The following DOK6 variants were observed in gnomAD, a reference collection of about 807,000 sequenced individuals.
DOK6 encodes downstream of tyrosine kinase 6.
A neutral mutation model predicts 44.0 loss-of-function variants in DOK6; 22 were observed. The observed-to-expected ratio is 0.50, with a 90% CI of 0.36 to 0.71. The LOEUF (loss-of-function observed/expected upper bound fraction) is 0.71, where lower values mean the gene tolerates loss of function less well. DOK6 is among the 30% of genes least tolerant of loss of function. The pLI, the probability that DOK6 is intolerant of heterozygous loss-of-function variation, is 0.00. For missense variants in DOK6, 340 were observed against 416.4 expected, an observed-to-expected ratio of 0.82 and a Z score of 1.60; for synonymous variants, 166 against 145.5, an observed-to-expected ratio of 1.14 and a Z score of -1.01.
rs1800791780 is a variant in DOK6 at position 69,842,554 on chromosome 18, A to G, written c.*1171A>G. 1 of 152,232 alleles carries G rather than the reference A, an allele frequency of 6.6e-6. No individual in the cohort carries two copies. The highest frequency in any genetic ancestry group is 2.4e-5 in the African/African-American group (1 of 41,460). The allele number at this position is 152,232 out of a possible 1,614,324, so 9.4% of individuals were successfully genotyped here. On this transcript the variant is annotated 3_prime_UTR_variant, in exon 8 of 8. Transcript: ENST00000382713. ...CTCACACAACCACTGGGGGCTTGTA[A>G]TTTACTGTGTAACCAGAACTTGCAG...
chr18:69,500,868 TCTAA>T (rs1468284426), intron 1 of DOK6, among the ~76,000 whole-genome samples: 1 of 152,164 alleles, frequency 6.6e-6, no homozygotes, highest in Non-Finnish European at 1.5e-5. Flanking sequence ...TGTTTATAAA[TCTAA>T]CTGTCACCAT....
At position 69,545,748 on chromosome 18, in the gene DOK6, T is replaced by A. The variant is rs1345136203; in HGVS notation, c.67-18739T>A. Reference sequence around the variant, plus strand: ...AGATATACATATTGCTCTTTAAGCATTTTTTTCTAGTATTTCAGTATACTG... The same window carrying A: ...AGATATACATATTGCTCTTTAAGCAATTTTTTCTAGTATTTCAGTATACTG... On this transcript the variant is annotated intron_variant, in intron 1 of 7. Transcript: ENST00000382713. 2.0e-5 allele frequency among the ~76,000 whole-genome samples: 3 copies of A among 151,302 alleles called. No individual in the cohort carries two copies. The East Asian group carries it at 5.8e-4, about 29-fold the overall frequency.
At chr18:69,507,428 T>C (rs1423076597) in intron 1 of DOK6, among the ~76,000 whole-genome samples, 1 of 152,208 alleles carries the variant, frequency 6.6e-6, no homozygotes, top group Non-Finnish European at 1.5e-5. Context: ...CCTTGTCTTC[T>C]CATATATTTC....
At chr18:69,527,418 G>T (rs1267494376) in intron 1 of DOK6, among the ~76,000 whole-genome samples, 2 of 152,176 alleles carry the variant, frequency 1.3e-5, no homozygotes, top group Non-Finnish European at 2.9e-5. Flanking sequence ...GGAGAGGGAA[G>T]TGCCAAGCAA....
At chr18:69,587,274 G>A (rs1983525212) in intron 2 of DOK6, among the ~76,000 whole-genome samples, 1 of 152,046 alleles carries the variant, frequency 6.6e-6, no homozygotes, top group Non-Finnish European at 1.5e-5. Context: ...AGCTTCCAAG[G>A]GGGTCTCCTT....
intron 1 of DOK6, among the ~76,000 whole-genome samples, chr18:69,442,184 T>A (rs1979155463): frequency 6.6e-6 from 1 of 152,178 alleles, no homozygotes; most frequent in South Asian, 2.1e-4. Context: ...ATTTGTTCAT[T>A]TTATGAATAT....
chr18:69,592,712 A>G (rs1458142580), intron 2 of DOK6, among the ~76,000 whole-genome samples: 1 of 152,162 alleles, frequency 6.6e-6, no homozygotes, highest in African/African-American at 2.4e-5. Flanking sequence ...TAATGCTTTT[A>G]TTAAACTTTA....
intron 4 of DOK6, among the ~76,000 whole-genome samples, chr18:69,696,887 C>T (rs1257346237): frequency 6.6e-6 from 1 of 152,322 alleles, no homozygotes; most frequent in East Asian, 1.9e-4. Flanking sequence ...GGGCTTTTCA[C>T]TGCAGATAAT....
chr18:69,587,246 G>A (rs923056055), intron 2 of DOK6, among the ~76,000 whole-genome samples: 7 of 151,990 alleles, frequency 4.6e-5, no homozygotes, highest in African/African-American at 7.3e-5. Flanking sequence ...AGGTGTCTGC[G>A]GGGCCACACT....
intron 1 of DOK6, among the ~76,000 whole-genome samples, chr18:69,412,772 G>A (rs1978311817): frequency 6.6e-6 from 1 of 152,132 alleles, no homozygotes; most frequent in African/African-American, 2.4e-5. Context: ...AATGGTGAAG[G>A]TAGCAAATAA....
intron 7 of DOK6, among the ~76,000 whole-genome samples, chr18:69,838,731 C>G (rs1982120497): frequency 6.6e-6 from 1 of 151,880 alleles, no homozygotes. Context: ...GATCCTACTT[C>G]TAACCTCTAA....
chr18:69,425,848 G>A (rs1418154943), intron 1 of DOK6, among the ~76,000 whole-genome samples: 2 of 151,926 alleles, frequency 1.3e-5, no homozygotes, highest in African/African-American at 4.8e-5. Flanking sequence ...AAATATTAAG[G>A]AGTGGGCAAA....
chr18:69,608,723 G>A (rs534350164), intron 3 of DOK6, among the ~76,000 whole-genome samples: 8 of 151,818 alleles, frequency 5.3e-5, no homozygotes, highest in East Asian at 1.9e-4. Context: ...AGGCCGAGGC[G>A]GGTGGATCAT....
chr18:69,471,134 A>G (rs889192047), intron 1 of DOK6, among the ~76,000 whole-genome samples: 3 of 147,446 alleles, frequency 2.0e-5, no homozygotes, highest in Non-Finnish European at 4.6e-5. Flanking sequence ...CTGTAATCCC[A>G]GCTACTCGGG....
intron 7 of DOK6, among the ~76,000 whole-genome samples, chr18:69,779,632 T>C (rs1267052593): frequency 6.6e-6 from 1 of 151,984 alleles, no homozygotes; most frequent in Non-Finnish European, 1.5e-5. Flanking sequence ...AAATAAAAAA[T>C]ATTATGAGTG....
At chr18:69,647,072 C>CTAT (rs770382130) in intron 3 of DOK6, among the ~76,000 whole-genome samples, 4,187 of 120,262 alleles carry the variant, frequency 0.035, 134 homozygotes, top group East Asian at 0.17. Context: ...TCTGTCTATC[C>CTAT]CATCTGTCTA....
Position 69,841,610 on chromosome 18 carries a change from G to T in DOK6, c.*227G>T, listed in dbSNP as rs1176032274. 5 of 543,738 alleles carry T rather than the reference G, an allele frequency of 9.2e-6. No homozygotes were observed. Among genetic ancestry groups the T allele is most frequent in the Non-Finnish European group, 3.1e-6 (1 of 325,316 alleles). 33.7% of individuals were successfully genotyped at this position (543,738 alleles called of 1,614,324 possible). ...GGGGAATCTATGTTTTACATAAATA[G>T]AATCCAAATCGTATGAACAGTTATT... is the stretch of plus-strand genomic sequence containing the variant. On this transcript the variant is annotated 3_prime_UTR_variant, in exon 8 of 8. Transcript: ENST00000382713.
chr18:69,472,816 A>G (rs980128424), intron 1 of DOK6, among the ~76,000 whole-genome samples: 1 of 146,784 alleles, frequency 6.8e-6, no homozygotes, highest in Non-Finnish European at 1.5e-5. Context: ...CCTCAGTCAC[A>G]AACTCTGGTC....
At chr18:69,420,574 G>A (rs1359451044) in intron 1 of DOK6, among the ~76,000 whole-genome samples, 1 of 152,072 alleles carries the variant, frequency 6.6e-6, no homozygotes, top group East Asian at 1.9e-4. Flanking sequence ...CATGTGCCAT[G>A]TTGGTGTGCT....
Sources: allele counts gnomAD v4.1 joint callset (sites outside exome capture counted in the v4.1 genomes callset), GRCh38; gene constraint gnomAD v4.1.1; transcripts MANE v1.5; gene names NCBI Gene and HGNC (gene_info 2026-07-23, HGNC 2026-07-21).